C19orf44: variants seen among roughly 807,000 people sequenced by gnomAD.
The protein encoded by C19orf44 is chromosome 19 open reading frame 44.
A neutral mutation model predicts 50.7 loss-of-function variants in C19orf44; 43 were observed. The ratio of observed to expected loss-of-function variants is 0.85; its 90% CI spans 0.66 to 1.09. The LOEUF is 1.09. Ranked by LOEUF, C19orf44 falls within the 50% of genes least tolerant of loss-of-function variation. The pLI is 0.00. For missense variants in C19orf44, 722 were observed against 836.2 expected, an observed-to-expected ratio of 0.86 and a Z score of 1.68; for synonymous variants, 298 against 334.7, an observed-to-expected ratio of 0.89 and a Z score of 1.20.
intron 7 of C19orf44, among the ~76,000 whole-genome samples, chr19:16,515,269 G>A (rs1159024084): frequency 1.3e-5 from 2 of 152,188 alleles, no homozygotes; most frequent in Non-Finnish European, 2.9e-5. Flanking sequence ...GCTGAGGCAG[G>A]AGAGTCGCTT....
intron 4 of C19orf44, among the ~76,000 whole-genome samples, chr19:16,507,594 C>T (rs954815663): frequency 3.3e-5 from 5 of 150,232 alleles, no homozygotes; most frequent in African/African-American, 1.2e-4. Flanking sequence ...CGGGTTCAAA[C>T]GATTCTCCTG....
chr19:16,509,420 G>C, intron 4 of C19orf44, 79 bp from the exon 5 acceptor site: 7 of 1,506,936 alleles, frequency 4.6e-6, no homozygotes, highest in South Asian at 1.4e-5. Context: ...CAGGTCCCCA[G>C]CTCCTAGGAG....
At chr19:16,514,386 G>GAAAA in intron 6 of C19orf44, 111 bp from the exon 7 acceptor site, 1 of 948,758 alleles carries the variant, frequency 1.1e-6, no homozygotes, top group Non-Finnish European at 1.4e-6. Context: ...CCTGTCTCCA[G>GAAAA]AAAAAAAAAA....
chr19:16,513,234 G>T, intron 6 of C19orf44, 125 bp downstream of exon 6: 1 of 916,422 alleles, frequency 1.1e-6, no homozygotes, highest in Non-Finnish European at 1.7e-6. Flanking sequence ...CCATTGGGCA[G>T]GGATTATTGC....
chr19:16,505,613 A>C (rs150611435), intron 3 of C19orf44, among the ~76,000 whole-genome samples: 1 of 152,330 alleles, frequency 6.6e-6, no homozygotes, highest in African/African-American at 2.4e-5. Context: ...GAGCTGAGTC[A>C]GTCTGTCCCC....
chr19:16,514,076 CTCCCAGGT>C (rs963766656), intron 6 of C19orf44, among the ~76,000 whole-genome samples: 3 of 151,930 alleles, frequency 2.0e-5, no homozygotes, highest in Non-Finnish European at 4.4e-5. Flanking sequence ...CAACATCTGC[CTCCCAGGT>C]TCAAGCGATT....
Position 16,500,784 on chromosome 19 carries a change from C to T in C19orf44, c.-1-8C>T. ...CTCTTATGCAAAATTGCTCCTCTTCCTCCACAGAATGGCTTCTGCAAGGAA... is the reference window on the plus strand; with the variant it reads ...CTCTTATGCAAAATTGCTCCTCTTCTTCCACAGAATGGCTTCTGCAAGGAA... On this transcript the variant is annotated splice_region_variant and splice_polypyrimidine_tract_variant and intron_variant, in intron 1 of 8. Transcript: ENST00000221671. The T allele has an allele frequency of 6.4e-7, 1 of 1,556,060 alleles. No homozygotes were observed. The highest frequency in any genetic ancestry group is 8.7e-7 in the Non-Finnish European group (1 of 1,154,854).
rs372454071 is a variant in C19orf44, at chr19:16,506,718, T to A, written c.1093T>A (p.Leu365Ile). Residue 365 changes from leucine to isoleucine, a missense_variant, in exon 4 of 9, where the codon TTA (leucine) becomes ATA (isoleucine). Coordinates refer to ENST00000221671, the MANE Select transcript of C19orf44 (RefSeq NM_032207.4). The part of the protein sequence containing the change: ...DSLDEFRINI[L>I]SLDGLAPAVS... ...AATTACAGAGTTTAGAATAAATATT[T>A]TATCGCTTGACGGTCTGGCTCCAGC... 1.9e-6 allele frequency: 3 copies of A among 1,602,152 alleles called. No homozygotes were observed. The highest frequency in any genetic ancestry group is 2.6e-6 in the Non-Finnish European group (3 of 1,173,752).
chr19:16,519,543 G>T lies in C19orf44; in HGVS notation c.*41-551G>T. 1 of 1,380,706 alleles carries T rather than the reference G, an allele frequency of 7.2e-7. No individual in the cohort carries two copies. Among genetic ancestry groups the T allele is most frequent in the Non-Finnish European group, 1.0e-6 (1 of 970,914 alleles). The allele number at this position is 1,380,706 out of a possible 1,614,324, so 85.5% of individuals were successfully genotyped here. A position where few individuals can be genotyped will look rare whatever the true frequency, so the allele number is the denominator to read the frequency against. ...TCCATCCATCCCCACATGCACTGAG[G>T]AAGAGAAAGCGCTGGTGACTCCCGG... On this transcript the variant is annotated intron_variant, in intron 8 of 8. Coordinates refer to ENST00000221671, the MANE Select transcript of C19orf44 (RefSeq NM_032207.4). This position sits in a 1 kb window ranked among gnomAD's most constrained non-coding sequence, Gnocchi z 6.0.
At chr19:16,509,145 T>C (rs904004595) in intron 4 of C19orf44, among the ~76,000 whole-genome samples, 1 of 151,656 alleles carries the variant, frequency 6.6e-6, no homozygotes, top group Non-Finnish European at 1.5e-5. Flanking sequence ...TTTTTTTTCT[T>C]ATAGAGGTAG....
chr19:16,509,008 CG>C (rs1300866361), intron 4 of C19orf44, among the ~76,000 whole-genome samples: 1 of 152,028 alleles, frequency 6.6e-6, no homozygotes, highest in Non-Finnish European at 1.5e-5. Context: ...TTGGTAGAGA[CG>C]GGGTTTCTCC....
intron 5 of C19orf44, among the ~76,000 whole-genome samples, chr19:16,511,332 GC>G (rs375583052): frequency 2.0e-4 from 31 of 151,922 alleles, no homozygotes; most frequent in African/African-American, 7.2e-4. Context: ...ACCGCACCTG[GC>G]CCCCTGTATA....
intron 1 of C19orf44, among the ~76,000 whole-genome samples, chr19:16,500,290 A>T (rs1017073888): frequency 2.6e-5 from 4 of 151,472 alleles, no homozygotes; most frequent in Non-Finnish European, 5.9e-5. Context: ...AAATACAGGG[A>T]TACCTCGATT....
intron 1 of C19orf44, among the ~76,000 whole-genome samples, chr19:16,500,216 A>C (rs2122170315): frequency 6.6e-6 from 1 of 152,308 alleles, no homozygotes; most frequent in East Asian, 1.9e-4. Flanking sequence ...GGTGTGAGCC[A>C]CTGAGCCCAG....
In C19orf44 at chr19:16,514,638, A is replaced by T. The variant is rs1202954816; in HGVS notation, c.1877A>T (p.Tyr626Phe). The T allele has an allele frequency of 6.3e-7, 1 of 1,583,470 alleles. No homozygotes were observed. The highest frequency in any genetic ancestry group is 8.6e-7 in the Non-Finnish European group (1 of 1,165,826). ...TCCCTGGACGCGGACTCCTTCCACT[A>T]CCACACCCTGGAGGAAGCCAAAGAG... ...LRSLDADSFH[Y>F]HTLEEAKEYI... is the part of the protein sequence containing the mutation. The change falls in exon 7 of 9, where the codon TAC becomes TTC. Residue 626 changes from tyrosine to phenylalanine, a missense_variant. Coordinates refer to ENST00000221671, the MANE Select transcript of C19orf44 (RefSeq NM_032207.4).
At chr19:16,502,533 A>C (rs911686337) in intron 2 of C19orf44, among the ~76,000 whole-genome samples, 5 of 152,066 alleles carry the variant, frequency 3.3e-5, no homozygotes, top group African/African-American at 1.2e-4. Flanking sequence ...CACCACGCCC[A>C]GCCTTGTGGA....
chr19:16,509,579 G>A lies in C19orf44; in HGVS notation c.1230G>A (p.Gln410=). The A allele has an allele frequency of 6.2e-7, 1 of 1,613,454 alleles. No individual in the cohort carries two copies. Among genetic ancestry groups the A allele is most frequent in the East Asian group, 2.2e-5 (1 of 44,848 alleles). Residue 410 remains glutamine, a synonymous_variant, in exon 5 of 9, where the codon CAG becomes CAA. Transcript: ENST00000221671. ...EASTGQDAPR[Q]AQARSWASQG... ...CCACTGGGCAGGATGCCCCGAGGCA[G>A]GCCCAGGCGAGGAGCTGGGCATCAC...
intron 6 of C19orf44, 87 bp downstream of exon 6, chr19:16,513,196 C>A: frequency 1.5e-6 from 2 of 1,308,644 alleles, no homozygotes; most frequent in Non-Finnish European, 2.1e-6. Context: ...GGAGGTGTGG[C>A]ACCCCTTGCA....
chr19:16,519,302 G>A lies in C19orf44; in HGVS notation c.*41-792G>A. On this transcript the variant is annotated intron_variant, in intron 8 of 8. Transcript: ENST00000221671. The surrounding 1 kb of genome is among the most constrained non-coding windows in gnomAD (Gnocchi z 6.0). ...TCCCGGACGTCCCCGCCCTTGATGG[G>A]GTCCTGGATCCCTTGCTCCTTCGCA... 6.2e-7 allele frequency: 1 copy of A among 1,613,868 alleles called. No homozygotes were observed. The highest frequency in any genetic ancestry group is 8.5e-7 in the Non-Finnish European group (1 of 1,179,998).
Sources: allele counts gnomAD v4.1 joint callset (sites outside exome capture counted in the v4.1 genomes callset), GRCh38; gene constraint gnomAD v4.1.1; non-coding constraint Gnocchi (gnomAD v3.1); transcripts MANE v1.5; gene names NCBI Gene and HGNC (gene_info 2026-07-23, HGNC 2026-07-21).